SRBD1: variants seen among roughly 807,000 people sequenced by gnomAD.
SRBD1 encodes S1 RNA-binding domain-containing protein 1.
In SRBD1, 88 loss-of-function variants were observed where a neutral mutation model predicts 115.3. The observed-to-expected ratio is 0.76, with a 90% CI of 0.64 to 0.91. The LOEUF (loss-of-function observed/expected upper bound fraction) is 0.91, where lower values mean the gene tolerates loss of function less well. SRBD1 is among the 40% of genes least tolerant of loss of function. The pLI, the probability that SRBD1 is intolerant of heterozygous loss-of-function variation, is 0.00. For synonymous variants in SRBD1, 509 were observed against 407.7 expected (o/e 1.25, Z -2.99); for missense variants, 1,385 against 1,177.4 (o/e 1.18, Z -2.58).
At chr2:45,461,669 C>T (rs1279588571) in intron 16 of SRBD1, among the ~76,000 whole-genome samples, 1 of 151,960 alleles carries the variant, frequency 6.6e-6, no homozygotes, top group Non-Finnish European at 1.5e-5. Context: ...CCCCCCCCAA[C>T]TTTTAAATCT....
In SRBD1 at chr2:45,393,063, A is replaced by G. The variant is rs771355245; in HGVS notation, c.2580T>C (p.Asn860=). 1 of 1,614,004 alleles carries G rather than the reference A, an allele frequency of 6.2e-7. No individual in the cohort carries two copies. Among genetic ancestry groups the G allele is most frequent in the South Asian group, 1.1e-5 (1 of 91,062 alleles). ...VGKPEMQQKI[N]SFLEKEGMEK... ...CCATTCCTTCCTTTTCAAGGAATGA[A>G]TTTATTTTTTGTTGCATTTCAGGCT... Residue 860 remains asparagine (N), a synonymous_variant, in exon 20 of 21, where the codon AAT becomes AAC. Transcript: ENST00000263736.
chr2:45,530,929 T>C (rs1352374148), intron 14 of SRBD1, among the ~76,000 whole-genome samples: 3 of 148,142 alleles, frequency 2.0e-5, no homozygotes, highest in Non-Finnish European at 3.0e-5. Flanking sequence ...AGTGAGACCC[T>C]GTCTCAAAAA....
Position 45,393,116 on chromosome 2 carries a change from T to C in SRBD1, c.2527A>G (p.Ile843Val), listed in dbSNP as rs758466471. 34 of 1,601,864 alleles carry C rather than the reference T, an allele frequency of 2.1e-5. No homozygotes were observed. The Admixed American group carries it at 5.5e-4, about 26-fold the overall frequency. The change falls in exon 20 of 21, where the codon ATT becomes GTT. Residue 843 changes from isoleucine to valine, a missense_variant. Ile to Val is a conservative substitution (Grantham distance 29). Transcript: ENST00000263736. The stretch of plus-strand genomic sequence containing the variant: ...CCAACCTCATACAGTGTCCCTCCAA[T>C]GGATGACAAAAACCTGCAGTGGAAA... ...YDIAMRFLSS[I>V]GGTLYEVGKP...
chr2:45,513,231 T>G (rs1165606051), intron 14 of SRBD1, among the ~76,000 whole-genome samples: 1 of 152,120 alleles, frequency 6.6e-6, no homozygotes, highest in East Asian at 1.9e-4. Context: ...TTCCCCACAT[T>G]CTTCATCATA....
At chr2:45,439,095 A>G (rs1429809939) in intron 16 of SRBD1, among the ~76,000 whole-genome samples, 1 of 152,102 alleles carries the variant, frequency 6.6e-6, no homozygotes, top group African/African-American at 2.4e-5. Context: ...AAAGTGCTGC[A>G]CACACACATA....
chr2:45,540,141 G>C (rs958473273), intron 14 of SRBD1, among the ~76,000 whole-genome samples: 1 of 152,116 alleles, frequency 6.6e-6, no homozygotes. Context: ...AGGAGTTCAA[G>C]ACCAGCCTGA....
intron 14 of SRBD1, among the ~76,000 whole-genome samples, chr2:45,507,716 G>A (rs1287444397): frequency 4.0e-5 from 6 of 151,406 alleles, no homozygotes; most frequent in African/African-American, 4.9e-5. Context: ...ACAAAACTCC[G>A]TCTCAAAAAA....
At chr2:45,571,243 T>C (rs981577983) in intron 9 of SRBD1, among the ~76,000 whole-genome samples, 3 of 152,106 alleles carry the variant, frequency 2.0e-5, no homozygotes, top group Non-Finnish European at 4.4e-5. Flanking sequence ...TTTGGGTTTT[T>C]TTCTTTTAGG....
intron 15 of SRBD1, among the ~76,000 whole-genome samples, chr2:45,487,004 A>AAGAAGCAGCTTCCCAGG (rs1670141569): frequency 6.6e-6 from 1 of 152,138 alleles, no homozygotes; most frequent in Non-Finnish European, 1.5e-5. Context: ...CTGCTGTGCT[A>AAGAAGCAGCTTCCCAGG]AGAAGCAGCT....
At chr2:45,493,663 A>T (rs928524281) in intron 14 of SRBD1, among the ~76,000 whole-genome samples, 2 of 152,016 alleles carry the variant, frequency 1.3e-5, no homozygotes, top group Non-Finnish European at 2.9e-5. Flanking sequence ...ACAAAAAAAA[A>T]ATCAGCCAAG....
In SRBD1 at chr2:45,389,582, A is replaced by G; in HGVS notation, c.2716T>C (p.Phe906Leu). 6.2e-7 allele frequency: 1 copy of G among 1,612,840 alleles called. No homozygotes were observed. The highest frequency in any genetic ancestry group is 8.5e-7 in the Non-Finnish European group (1 of 1,179,454). ...DFRTDFDKPDFKRSIVCLEDL... is the reference protein window; with the variant it reads ...DFRTDFDKPDLKRSIVCLEDL... ...TCCAGGCATACTATGCTTCTCTTGA[A>G]ATCAGGTTTATCAAAATCTGTAAGA... is the stretch of plus-strand genomic sequence containing the variant. Residue 906 changes from phenylalanine to leucine, a missense_variant, in exon 21 of 21, where the codon TTC becomes CTC. By Grantham distance (22) the Phe-to-Leu change is conservative. Transcript: ENST00000263736.
At chr2:45,462,176 G>A (rs1231300594) in intron 16 of SRBD1, among the ~76,000 whole-genome samples, 4 of 152,128 alleles carry the variant, frequency 2.6e-5, no homozygotes, top group Admixed American at 1.3e-4. Flanking sequence ...AGCGAATCAC[G>A]CTGTGGTTAG....
At chr2:45,391,185 TC>T (rs1158807534) in intron 20 of SRBD1, among the ~76,000 whole-genome samples, 13 of 152,258 alleles carry the variant, frequency 8.5e-5, no homozygotes, top group Non-Finnish European at 1.8e-4. Flanking sequence ...CTTAACATAT[TC>T]CTGAAGACAG....
chr2:45,605,037 G>C (rs1674222425), intron 2 of SRBD1, among the ~76,000 whole-genome samples: 1 of 152,190 alleles, frequency 6.6e-6, no homozygotes. Flanking sequence ...GAATTGTCTT[G>C]CACACAATGT....
chr2:45,552,574 A>T (rs759122779), intron 11 of SRBD1, among the ~76,000 whole-genome samples: 4 of 152,210 alleles, frequency 2.6e-5, no homozygotes, highest in South Asian at 2.1e-4. Context: ...AAAACATACA[A>T]AAAGAAATTG....
intron 1 of SRBD1, among the ~76,000 whole-genome samples, chr2:45,610,736 T>A (rs916151136): frequency 6.6e-6 from 1 of 152,110 alleles, no homozygotes; most frequent in African/African-American, 2.4e-5. Flanking sequence ...GTGCTTCCTC[T>A]CCCACCTCCG....
intron 19 of SRBD1, among the ~76,000 whole-genome samples, chr2:45,406,724 A>AAG (rs1301746882): frequency 6.6e-6 from 1 of 152,204 alleles, no homozygotes; most frequent in Non-Finnish European, 1.5e-5. Flanking sequence ...TACTCTAGAG[A>AAG]AGAATCCATT....
At chr2:45,526,049 G>C (rs1326530920) in intron 14 of SRBD1, among the ~76,000 whole-genome samples, 2 of 152,006 alleles carry the variant, frequency 1.3e-5, no homozygotes, top group Non-Finnish European at 2.9e-5. Flanking sequence ...TTGGAAAACA[G>C]TCTGCAGTTC....
chr2:45,510,601 C>A (rs1670936819), intron 14 of SRBD1, among the ~76,000 whole-genome samples: 1 of 152,228 alleles, frequency 6.6e-6, no homozygotes, highest in Non-Finnish European at 1.5e-5. Flanking sequence ...GCATTCCCCA[C>A]ACTAAGTATC....
Sources: gnomAD v4.1 joint callset for allele counts (sites outside exome capture counted in the v4.1 genomes callset) on GRCh38, gnomAD v4.1.1 for gene constraint, MANE v1.5 for transcripts, NCBI Gene and HGNC (gene_info 2026-07-23, HGNC 2026-07-21) for gene names.